Variants in FGD3 observed in about 807,000 individuals in gnomAD.
FGD3 encodes FYVE, RhoGEF and PH domain containing 3.
A neutral mutation model predicts 71.8 loss-of-function variants in FGD3; 45 were observed. That is an observed-to-expected ratio of 0.63 (90% CI 0.49 to 0.80). The LOEUF (loss-of-function observed/expected upper bound fraction) is 0.80, where lower values mean the gene tolerates loss of function less well. FGD3 is among the 30% of genes least tolerant of loss of function. The pLI, the probability that FGD3 is intolerant of heterozygous loss-of-function variation, is 0.00. For synonymous variants in FGD3, 378 were observed against 392.8 expected (o/e 0.96, Z 0.44); for missense variants, 844 against 951.5 (o/e 0.89, Z 1.49).
chr9:93,015,663 T>G, intron 9 of FGD3, 74 bp from the exon 10 acceptor site: 1 of 1,016,100 alleles, frequency 9.8e-7, no homozygotes, highest in Non-Finnish European at 1.6e-6. Flanking sequence ...GGATCCCATG[T>G]GAGAAGCTCA....
chr9:93,021,770 G>A (rs577740513), intron 13 of FGD3, among the ~76,000 whole-genome samples: 4 of 152,188 alleles, frequency 2.6e-5, no homozygotes, highest in African/African-American at 7.2e-5. Flanking sequence ...TATCAAGTCC[G>A]CTAGGTTTTT....
intron 3 of FGD3, among the ~76,000 whole-genome samples, chr9:92,981,368 CAAAAAAA>C (rs11454338): frequency 1.8e-4 from 20 of 111,750 alleles, no homozygotes; most frequent in African/African-American, 6.6e-4. Flanking sequence ...ATTCCATCTC[CAAAAAAA>C]AAAAAAAAAG....
intron 1 of FGD3, among the ~76,000 whole-genome samples, chr9:92,968,814 C>T (rs1259312112): frequency 6.6e-6 from 1 of 152,110 alleles, no homozygotes; most frequent in African/African-American, 2.4e-5. Context: ...ATTCATCAGG[C>T]TGGTCTCGAA....
intron 3 of FGD3, among the ~76,000 whole-genome samples, chr9:93,002,214 T>C (rs370277437): frequency 6.6e-4 from 101 of 152,272 alleles, no homozygotes; most frequent in African/African-American, 2.4e-3. Flanking sequence ...GTGATGTAGG[T>C]ACTAGGTGGT....
At chr9:93,031,122 G>C (rs1209262305) in intron 15 of FGD3, among the ~76,000 whole-genome samples, 1 of 152,106 alleles carries the variant, frequency 6.6e-6, no homozygotes, top group Non-Finnish European at 1.5e-5. Context: ...ATGATGGATG[G>C]ATGAATGTAT....
chr9:93,009,495 G>A (rs1256375932), intron 6 of FGD3, among the ~76,000 whole-genome samples: 2 of 152,160 alleles, frequency 1.3e-5, no homozygotes, highest in Admixed American at 6.5e-5. Context: ...TGGACAGGAC[G>A]ACAAAGTCAG....
chr9:92,972,085 T>C (rs957364969), intron 1 of FGD3, among the ~76,000 whole-genome samples: 2 of 151,660 alleles, frequency 1.3e-5, no homozygotes, highest in South Asian at 2.1e-4. Flanking sequence ...CAGTAGGTCT[T>C]CTGTGGCTCC....
chr9:92,950,241 A>C (rs372909431), intron 1 of FGD3, among the ~76,000 whole-genome samples: 133 of 148,928 alleles, frequency 8.9e-4, no homozygotes, highest in African/African-American at 2.6e-3. Flanking sequence ...GACGGTGAAA[A>C]CCCGCCTCTA....
chr9:93,010,413 G>A, intron 7 of FGD3, 29 bp downstream of exon 7: 5 of 1,583,034 alleles, frequency 3.2e-6, no homozygotes, highest in African/African-American at 1.3e-5. Context: ...CTCCCAGGAG[G>A]GTGCAGGGGC....
chr9:92,954,789 C>A (rs1859018503), intron 1 of FGD3, among the ~76,000 whole-genome samples: 1 of 152,224 alleles, frequency 6.6e-6, no homozygotes, highest in African/African-American at 2.4e-5. Flanking sequence ...CTTTGTCCTG[C>A]ACCTTGGGCT....
At chr9:93,031,095 G>T (rs2118839411) in intron 15 of FGD3, among the ~76,000 whole-genome samples, 1 of 151,792 alleles carries the variant, frequency 6.6e-6, no homozygotes, top group East Asian at 1.9e-4. Context: ...GTGGATGAAG[G>T]GATGATGGAT....
At chr9:93,011,162 G>A (rs1861346687) in intron 7 of FGD3, 52 bp from the exon 8 acceptor site, 1 of 1,597,534 alleles carries the variant, frequency 6.3e-7, no homozygotes, top group Non-Finnish European at 8.6e-7. Context: ...CCTCAGGCAA[G>A]CAAAAACGGA....
chr9:92,963,359 G>A (rs1214800403), intron 1 of FGD3, among the ~76,000 whole-genome samples: 4 of 152,126 alleles, frequency 2.6e-5, no homozygotes, highest in East Asian at 3.8e-4. Flanking sequence ...GAGTGCAGTG[G>A]CGCAATCTCA....
chr9:92,993,951 C>T (rs191889281), intron 3 of FGD3, among the ~76,000 whole-genome samples: 9 of 152,222 alleles, frequency 5.9e-5, no homozygotes, highest in Admixed American at 3.3e-4. Context: ...TTTATAGCAG[C>T]GTGATTTATA....
Position 93,035,728 on chromosome 9 carries a change from G to GCCTCAGTTTCCTTCCCCCCAAA in FGD3, c.*139_*140insCCTCAGTTTCCTTCCCCCCAAA. On this transcript the variant is annotated 3_prime_UTR_variant, in exon 18 of 18. Coordinates refer to ENST00000375482, the MANE Select transcript of FGD3 (RefSeq NM_001083536.2). The stretch of plus-strand genomic sequence containing the variant: ...CAGAGCTCAGGACACTTGGCTTTGG[G>GCCTCAGTTTCCTTCCCCCCAAA]GGGAAGGAAACTGAGGCCCAGAGAG... The GCCTCAGTTTCCTTCCCCCCAAA allele has an allele frequency of 1.5e-6, 2 of 1,305,586 alleles. No homozygotes were observed. The highest frequency in any genetic ancestry group is 2.0e-6 in the Non-Finnish European group (2 of 989,548). 80.9% of individuals were successfully genotyped at this position (1,305,586 alleles called of 1,614,324 possible).
At chr9:92,961,468 T>C (rs747966803) in intron 1 of FGD3, among the ~76,000 whole-genome samples, 4 of 152,182 alleles carry the variant, frequency 2.6e-5, no homozygotes, top group Admixed American at 6.5e-5. Context: ...GTGAAATAAT[T>C]GGTCAGAGAA....
chr9:93,032,103 CG>C (rs1011702850), intron 15 of FGD3, among the ~76,000 whole-genome samples: 3 of 152,288 alleles, frequency 2.0e-5, no homozygotes, highest in South Asian at 4.1e-4. Context: ...ATTCATCTGC[CG>C]ATGGACACGG....
chr9:92,957,041 G>T (rs181466612), intron 1 of FGD3, among the ~76,000 whole-genome samples: 1 of 152,124 alleles, frequency 6.6e-6, no homozygotes, highest in East Asian at 1.9e-4. Context: ...CCTTTTTATT[G>T]CTGGATCCTG....
chr9:92,955,447 G>A (rs1419895970), intron 1 of FGD3, among the ~76,000 whole-genome samples: 2 of 152,042 alleles, frequency 1.3e-5, no homozygotes, highest in African/African-American at 4.8e-5. Context: ...GAGGCAGCCT[G>A]GGCAAAGAGA....
Sources: allele counts gnomAD v4.1 joint callset (sites outside exome capture counted in the v4.1 genomes callset), GRCh38; gene constraint gnomAD v4.1.1; transcripts MANE v1.5; gene names NCBI Gene and HGNC (gene_info 2026-07-23, HGNC 2026-07-21).